Variants in SERPINH1 observed in about 807,000 individuals in gnomAD.
SERPINH1 encodes serpin family H member 1.
In SERPINH1, 22 loss-of-function variants were observed where a neutral mutation model predicts 32.3. The ratio of observed to expected loss-of-function variants is 0.68; its 90% CI spans 0.49 to 0.97. The LOEUF (loss-of-function observed/expected upper bound fraction) is 0.97. Among genes scored for constraint, SERPINH1 ranks in the 50% least tolerant of loss-of-function variants. SERPINH1 has a pLI of 0.00. For synonymous variants in SERPINH1, 251 were observed against 245.9 expected (o/e 1.02, Z -0.19); for missense variants, 543 against 576.4 (o/e 0.94, Z 0.59).
intron 2 of SERPINH1, 75 bp from the exon 3 acceptor site, chr11:75,568,655 CG>C: frequency 1.1e-6 from 1 of 939,070 alleles, no homozygotes; most frequent in Non-Finnish European, 1.7e-6. Context: ...GGTCTGCAGC[CG>C]GGGGTGGCTG....
intron 1 of SERPINH1, among the ~76,000 whole-genome samples, chr11:75,565,926 C>T (rs892518543): frequency 2.6e-5 from 4 of 152,326 alleles, no homozygotes; most frequent in Middle Eastern, 3.4e-3. Flanking sequence ...GTTTTACCTT[C>T]GTTCAGGAAG....
In SERPINH1 at chr11:75,572,119, C is replaced by A; in HGVS notation, c.*36C>A. 6.2e-7 allele frequency: 1 copy of A among 1,602,468 alleles called. No individual in the cohort carries two copies. Among genetic ancestry groups the A allele is most frequent in the Non-Finnish European group, 8.5e-7 (1 of 1,170,890 alleles). On this transcript the variant is annotated 3_prime_UTR_variant, in exon 5 of 5. Coordinates refer to ENST00000358171, the MANE Select transcript of SERPINH1 (RefSeq NM_001235.5). ...TGCACACAGGATGGCAGGAGGCATCCAAAGGCTCCTGAGACACATGGGTGC... is the reference window on the plus strand; with the variant it reads ...TGCACACAGGATGGCAGGAGGCATCAAAAGGCTCCTGAGACACATGGGTGC...
chr11:75,570,372 G>C (rs994201398), intron 4 of SERPINH1, among the ~76,000 whole-genome samples: 1 of 152,110 alleles, frequency 6.6e-6, no homozygotes, highest in Non-Finnish European at 1.5e-5. Context: ...AGTTCCTGGA[G>C]AGGGGTCACT....
intron 4 of SERPINH1, chr11:75,569,548 G>C (rs574991312): frequency 5.8e-6 from 1 of 172,370 alleles, no homozygotes; most frequent in Non-Finnish European, 1.3e-5. Flanking sequence ...TCAGCCTCCC[G>C]AGTAGCTGGG....
In SERPINH1 at chr11:75,568,995, C is replaced by G. The variant is rs774942194; in HGVS notation, c.778C>G (p.Leu260Val). The G allele has an allele frequency of 3.1e-6, 5 of 1,614,194 alleles. No homozygotes were observed. The highest frequency in any genetic ancestry group is 1.3e-5 in the African/African-American group (1 of 75,068). The part of the protein sequence containing the change: ...KEKLQIVEMP[L>V]AHKLSSLIIL... ...AAAGCTGCAAATCGTGGAGATGCCC[C>G]TGGCCCACAAGCTCTCCAGCCTCAT... The change falls in exon 4 of 5, where the codon CTG (leucine) becomes GTG (valine). Residue 260 changes from leucine to valine, a missense_variant. By Grantham distance (32) the Leu-to-Val change is conservative. Coordinates refer to ENST00000358171, the MANE Select transcript of SERPINH1 (RefSeq NM_001235.5).
Position 75,566,495 on chromosome 11 carries a change from G to T in SERPINH1, c.146G>T (p.Gly49Val), listed in dbSNP as rs1362402134. The T allele has an allele frequency of 1.2e-6, 2 of 1,612,298 alleles. No individual in the cohort carries two copies. Among genetic ancestry groups the T allele is most frequent in the Non-Finnish European group, 1.7e-6 (2 of 1,179,810 alleles). The change falls in exon 2 of 5, where the codon GGC (glycine) becomes GTC (valine). Residue 49 changes from glycine (G) to valine (V), a missense_variant. Around this residue, in one of 3 missense-constraint regions of SERPINH1, gnomAD observed 109 missense variants for 102.4 expected, o/e 1.06. Transcript: ENST00000358171. ...KAATLAERSA[G>V]LAFSLYQAMA... ...GCCACGCTTGCCGAGCGCAGCGCCG[G>T]CCTGGCCTTCAGCTTGTACCAGGCC...
At chr11:75,567,804 A>G (rs1942117178) in intron 2 of SERPINH1, 1 of 152,236 alleles carries the variant, frequency 6.6e-6, no homozygotes, top group Non-Finnish European at 1.5e-5. Context: ...AGACAACACT[A>G]TTCTCACAGT....
Position 75,571,852 on chromosome 11 carries a change from C to T in SERPINH1, c.1026C>T (p.Gly342=). 1 of 1,614,178 alleles carries T rather than the reference C, an allele frequency of 6.2e-7. No individual in the cohort carries two copies. Among genetic ancestry groups the T allele is most frequent in the Non-Finnish European group, 8.5e-7 (1 of 1,180,020 alleles). Residue 342 remains glycine, a synonymous_variant, in exon 5 of 5, where the codon GGC becomes GGT. Coordinates refer to ENST00000358171, the MANE Select transcript of SERPINH1 (RefSeq NM_001235.5). The part of the protein sequence containing the change: ...KNKADLSRMS[G]KKDLYLASVF... ...AGGCCGACTTGTCACGCATGTCAGG[C>T]AAGAAGGACCTGTACCTGGCCAGCG...
intron 1 of SERPINH1, chr11:75,563,267 C>T (rs777826625): frequency 3.9e-5 from 6 of 152,300 alleles, no homozygotes; most frequent in Non-Finnish European, 5.9e-5. Context: ...TTGTTTCCCG[C>T]TGGTCCCTCT....
chr11:75,563,984 T>A (rs1333407547), intron 1 of SERPINH1, among the ~76,000 whole-genome samples: 1 of 152,244 alleles, frequency 6.6e-6, no homozygotes, highest in Admixed American at 6.5e-5. Context: ...GAGGCTGGCC[T>A]GCTTGCAGTA....
chr11:75,568,375 A>G (rs1448310509), intron 2 of SERPINH1: 7 of 374,502 alleles, frequency 1.9e-5, no homozygotes, highest in Non-Finnish European at 3.6e-5. Context: ...GGTACCAGGG[A>G]GGGTAGAAAG....
In SERPINH1 at chr11:75,571,875, G is replaced by A; in HGVS notation, c.1049G>A (p.Ser350Asn). 6.2e-7 allele frequency: 1 copy of A among 1,614,214 alleles called. No homozygotes were observed. Among genetic ancestry groups the A allele is most frequent in the Non-Finnish European group, 8.5e-7 (1 of 1,180,042 alleles). The change falls in exon 5 of 5, where the codon AGC becomes AAC. Residue 350 changes from serine (S) to asparagine (N), a missense_variant. Coordinates refer to ENST00000358171, the MANE Select transcript of SERPINH1 (RefSeq NM_001235.5). ...MSGKKDLYLASVFHATAFELD... is the reference protein window; with the variant it reads ...MSGKKDLYLANVFHATAFELD... ...GGCAAGAAGGACCTGTACCTGGCCA[G>A]CGTGTTCCACGCCACCGCCTTTGAG...
Position 75,566,829 on chromosome 11 carries a change from G to C in SERPINH1, c.480G>C (p.Lys160Asn), listed in dbSNP as rs886048661. The C allele has an allele frequency of 1.2e-6, 2 of 1,612,966 alleles. No individual in the cohort carries two copies. Among genetic ancestry groups the C allele is most frequent in the Non-Finnish European group, 1.7e-6 (2 of 1,179,968 alleles). Residue 160 changes from lysine (K) to asparagine (N), a missense_variant, in exon 2 of 5, where the codon AAG (lysine) becomes AAC (asparagine). Transcript: ENST00000358171. ...AGCACTACAACTGCGAGCACTCCAA[G>C]ATCAACTTCCGCGACAAGCGCAGCG... ...SKQHYNCEHSKINFRDKRSAL... is the reference protein window; with the variant it reads ...SKQHYNCEHSNINFRDKRSAL...
At position 75,569,072 on chromosome 11, in the gene SERPINH1, A is replaced by G. The variant is rs779197294; in HGVS notation, c.855A>G (p.Leu285=). 1.9e-6 allele frequency: 3 copies of G among 1,614,210 alleles called. No homozygotes were observed. Among genetic ancestry groups the G allele is most frequent in the Non-Finnish European group, 2.5e-6 (3 of 1,180,008 alleles). The part of the protein sequence containing the change: ...VEPLERLEKL[L]TKEQLKIWMG... ...CTCTCGAGCGCCTTGAAAAGCTGCT[A>G]ACCAAAGAGCAGCTGAAGATCTGGA... The change falls in exon 4 of 5, where the codon CTA becomes CTG. Residue 285 remains leucine, a synonymous_variant. Transcript: ENST00000358171.
rs369751579 is a variant in SERPINH1, at chr11:75,569,079, G to A, written c.862G>A (p.Glu288Lys). ...GCGCCTTGAAAAGCTGCTAACCAAA[G>A]AGCAGCTGAAGATCTGGATGGGGAA... is the stretch of plus-strand genomic sequence containing the variant. ...LERLEKLLTK[E>K]QLKIWMGKMQ... Residue 288 changes from glutamate (E) to lysine (K), a missense_variant, in exon 4 of 5, where the codon GAG becomes AAG. By Grantham distance (56) the Glu-to-Lys change is moderately conservative. Around this residue, in one of 3 missense-constraint regions of SERPINH1, gnomAD observed 427 missense variants for 446.4 expected, o/e 0.96. Transcript: ENST00000358171. The A allele has an allele frequency of 8.1e-6, 13 of 1,614,110 alleles. No homozygotes were observed. The South Asian group carries it at 1.2e-4, about 15-fold the overall frequency.
intron 4 of SERPINH1, among the ~76,000 whole-genome samples, chr11:75,571,386 T>G (rs1438175008): frequency 6.6e-6 from 1 of 152,096 alleles, no homozygotes; most frequent in Non-Finnish European, 1.5e-5. Flanking sequence ...CTTGGGGAGT[T>G]TGTGAAAAGG....
At chr11:75,562,640 A>G (rs1211471592) in intron 1 of SERPINH1, 1 of 152,544 alleles carries the variant, frequency 6.6e-6, no homozygotes, top group Non-Finnish European at 1.5e-5. Context: ...GGTGCTGTGT[A>G]AAGGGGGCTG....
In SERPINH1 at chr11:75,571,858, G is replaced by A; in HGVS notation, c.1032G>A (p.Lys344=). 6.2e-7 allele frequency: 1 copy of A among 1,614,184 alleles called. No homozygotes were observed. The highest frequency in any genetic ancestry group is 8.5e-7 in the Non-Finnish European group (1 of 1,180,034). Residue 344 remains lysine (K), a synonymous_variant, in exon 5 of 5, where the codon AAG becomes AAA. Transcript: ENST00000358171. ...ACTTGTCACGCATGTCAGGCAAGAA[G>A]GACCTGTACCTGGCCAGCGTGTTCC... ...KADLSRMSGK[K]DLYLASVFHA...
Position 75,568,736 on chromosome 11 carries a change from T to A in SERPINH1, c.628T>A (p.Trp210Arg). The change falls in exon 3 of 5, where the codon TGG (tryptophan) becomes AGG (arginine). Residue 210 changes from tryptophan to arginine, a missense_variant. Physicochemically the swap from Trp to Arg is moderately radical, Grantham distance 101. Transcript: ENST00000358171. ...LVNAMFFKPH[W>R]DEKFHHKMVD... is the part of the protein sequence containing the mutation. ...GTGTTTTGCCCCAACTACAGCACAC[T>A]GGGATGAGAAATTCCACCACAAGAT... 1 of 1,612,204 alleles carries A rather than the reference T, an allele frequency of 6.2e-7. No homozygotes were observed. Among genetic ancestry groups the A allele is most frequent in the South Asian group, 1.1e-5 (1 of 91,006 alleles).
Sources: gnomAD v4.1 joint callset for allele counts (sites outside exome capture counted in the v4.1 genomes callset) on GRCh38, gnomAD v4.1.1 for gene constraint, gnomAD v4.1.1 regional missense constraint, MANE v1.5 for transcripts, NCBI Gene and HGNC (gene_info 2026-07-23, HGNC 2026-07-21) for gene names.